The following GABRB1 variants were observed in gnomAD, a reference collection of about 807,000 sequenced individuals.
GABRB1 encodes the protein gamma-aminobutyric acid receptor subunit beta-1.
GABRB1 carries 17 observed loss-of-function variants against 51.6 expected under a neutral mutation model. The observed-to-expected ratio is 0.33, with a 90% CI of 0.23 to 0.49. The LOEUF (loss-of-function observed/expected upper bound fraction) is 0.49, where lower values mean the gene tolerates loss of function less well. Among genes scored for constraint, GABRB1 ranks in the 20% least tolerant of loss-of-function variants. The pLI is 0.99. For missense variants in GABRB1, 410 were observed against 600.6 expected, an observed-to-expected ratio of 0.68 and a Z score of 3.32; for synonymous variants, 247 against 218.9, an observed-to-expected ratio of 1.13 and a Z score of -1.14.
intron 5 of GABRB1, among the ~76,000 whole-genome samples, chr4:47,356,113 A>T (rs535924001): frequency 6.6e-6 from 1 of 152,184 alleles, no homozygotes; most frequent in Non-Finnish European, 1.5e-5. Context: ...AATTGGATGG[A>T]TGAATGAACA....
chr4:47,208,022 C>G (rs188899446), intron 4 of GABRB1, among the ~76,000 whole-genome samples: 4 of 152,012 alleles, frequency 2.6e-5, no homozygotes, highest in African/African-American at 9.7e-5. Flanking sequence ...AATGATTTTT[C>G]TGACTATACA....
chr4:47,365,530 T>C (rs35451348), intron 5 of GABRB1, among the ~76,000 whole-genome samples: 1 of 152,074 alleles, frequency 6.6e-6, no homozygotes, highest in Non-Finnish European at 1.5e-5. Context: ...GATGTCTTCC[T>C]TGCTCCACCC....
At chr4:47,296,953 A>T (rs200240438) in intron 4 of GABRB1, among the ~76,000 whole-genome samples, 3 of 152,108 alleles carry the variant, frequency 2.0e-5, no homozygotes, top group Non-Finnish European at 4.4e-5. Flanking sequence ...GAATTAAGAA[A>T]CTCACTCAAA....
rs958202457 is a variant in GABRB1, at chr4:47,144,683, T to C, written c.241-16566T>C. On this transcript the variant is annotated intron_variant, in intron 3 of 8. Coordinates refer to ENST00000295454, the MANE Select transcript of GABRB1 (RefSeq NM_000812.4). ...TTATAGACAAAACTGGAATCGAATT[T>C]AGATTGATTTGACACCAAATCTTAT... 4.0e-5 allele frequency among the ~76,000 whole-genome samples: 6 copies of C among 151,886 alleles called. No individual in the cohort carries two copies. In the Admixed American group the frequency reaches 4.0e-4, roughly 10 times the overall value.
chr4:47,202,152 C>T (rs1208998701), intron 4 of GABRB1, among the ~76,000 whole-genome samples: 2 of 152,126 alleles, frequency 1.3e-5, no homozygotes, highest in African/African-American at 2.4e-5. Context: ...ATTGAATCAT[C>T]GGGGGCAGTT....
chr4:47,294,634 C>G (rs188483268), intron 4 of GABRB1, among the ~76,000 whole-genome samples: 3 of 152,344 alleles, frequency 2.0e-5, no homozygotes, highest in Admixed American at 2.0e-4. Context: ...CACCACAGCT[C>G]AAGGAGGCCT....
chr4:47,353,922 C>A lies in GABRB1; in HGVS notation c.544+33713C>A, dbSNP rs530082089. Among the ~76,000 whole-genome samples the A allele has an allele frequency of 2.6e-5, 4 of 152,052 alleles. No homozygotes were observed. In the East Asian group the frequency reaches 7.7e-4, roughly 29 times the overall value. ...TTTTTTTATACTCTCCCACATTTCC[C>A]TGCCAACATACACACACACACAAAC... is the stretch of plus-strand genomic sequence containing the variant. On this transcript the variant is annotated intron_variant, in intron 5 of 8. Coordinates refer to ENST00000295454, the MANE Select transcript of GABRB1 (RefSeq NM_000812.4).
chr4:47,153,034 C>T (rs562122000), intron 3 of GABRB1, among the ~76,000 whole-genome samples: 13 of 151,986 alleles, frequency 8.6e-5, no homozygotes, highest in South Asian at 4.2e-4. Context: ...TTTGAAGTGA[C>T]GGGAATTTCA....
chr4:47,350,204 T>TAGAG (rs1329460051), intron 5 of GABRB1, among the ~76,000 whole-genome samples: 7 of 93,308 alleles, frequency 7.5e-5, no homozygotes, highest in East Asian at 4.4e-4. Flanking sequence ...TATATATATA[T>TAGAG]ATATATATAT....
chr4:47,256,645 C>T (rs1722211747), intron 4 of GABRB1, among the ~76,000 whole-genome samples: 1 of 152,092 alleles, frequency 6.6e-6, no homozygotes, highest in South Asian at 2.1e-4. Flanking sequence ...TGGTAGAAGG[C>T]AAAGGAGAAG....
chr4:46,999,253 A>G (rs1724105942), intron 1 of GABRB1, among the ~76,000 whole-genome samples: 1 of 152,170 alleles, frequency 6.6e-6, no homozygotes, highest in African/African-American at 2.4e-5. Flanking sequence ...CCAAGTGCCT[A>G]TTTTATGATG....
intron 5 of GABRB1, among the ~76,000 whole-genome samples, chr4:47,350,205 A>G (rs1157147814): frequency 1.0e-5 from 1 of 96,894 alleles, no homozygotes; most frequent in Non-Finnish European, 2.0e-5. Flanking sequence ...ATATATATAT[A>G]TATATATATA....
In GABRB1 at chr4:47,162,441, TA is replaced by T. The variant is rs938708389; in HGVS notation, c.461+981del. On this transcript the variant is annotated intron_variant, in intron 4 of 8. Coordinates refer to ENST00000295454, the MANE Select transcript of GABRB1 (RefSeq NM_000812.4). ...AGAATATATAAAAAGTTGATTGGTT[TA>T]AAAAAAAAGAGCAACTAGATTTTTT... Among the ~76,000 whole-genome samples the T allele has an allele frequency of 1.1e-4, 16 of 151,140 alleles. No individual in the cohort carries two copies. The East Asian group carries it at 2.5e-3, about 24-fold the overall frequency.
At chr4:47,358,390 T>C (rs1270434379) in intron 5 of GABRB1, among the ~76,000 whole-genome samples, 3 of 149,186 alleles carry the variant, frequency 2.0e-5, no homozygotes, top group African/African-American at 4.9e-5. Flanking sequence ...TGTATATATG[T>C]ATATATATAT....
chr4:47,257,075 T>C (rs1407229314), intron 4 of GABRB1, among the ~76,000 whole-genome samples: 1 of 152,144 alleles, frequency 6.6e-6, no homozygotes, highest in Non-Finnish European at 1.5e-5. Context: ...AAGGCTTCCA[T>C]CTGGGTTTAG....
chr4:47,216,742 T>C (rs1200622259), intron 4 of GABRB1, among the ~76,000 whole-genome samples: 1 of 151,862 alleles, frequency 6.6e-6, no homozygotes, highest in Non-Finnish European at 1.5e-5. Flanking sequence ...AATAATATGT[T>C]TGCAATAAGA....
At chr4:47,398,573 G>C (rs542203196) in intron 5 of GABRB1, among the ~76,000 whole-genome samples, 4 of 152,184 alleles carry the variant, frequency 2.6e-5, no homozygotes, top group East Asian at 1.9e-4. Flanking sequence ...GAGAGAGAGA[G>C]AGAGACAGAG....
intron 3 of GABRB1, among the ~76,000 whole-genome samples, chr4:47,063,988 C>T (rs1470835342): frequency 4.6e-5 from 7 of 152,090 alleles, no homozygotes; most frequent in Non-Finnish European, 1.0e-4. Context: ...CCATGGCACA[C>T]GTTTGCCTAT....
Position 47,139,847 on chromosome 4 carries a change from G to A in GABRB1, c.241-21402G>A, listed in dbSNP as rs138111190. Among the ~76,000 whole-genome samples, 293 of 152,048 alleles carry A rather than the reference G, an allele frequency of 1.9e-3. 1 individual carries two copies. The highest frequency in any genetic ancestry group is 6.5e-3 in the African/African-American group (271 of 41,506). ...CATTTCCAACAAGCTCCGACGTTAC[G>A]TTGATGTTGTAGGTCCATGGGCCAC... is the stretch of plus-strand genomic sequence containing the variant. On this transcript the variant is annotated intron_variant, in intron 3 of 8. Coordinates refer to ENST00000295454, the MANE Select transcript of GABRB1 (RefSeq NM_000812.4).
Sources: allele counts gnomAD v4.1 joint callset (sites outside exome capture counted in the v4.1 genomes callset), GRCh38; gene constraint gnomAD v4.1.1; transcripts MANE v1.5; gene names NCBI Gene and HGNC (gene_info 2026-07-23, HGNC 2026-07-21).